Variants in PTPRR observed in about 807,000 individuals in gnomAD.
PTPRR encodes receptor-type tyrosine-protein phosphatase R.
A neutral mutation model predicts 77.2 loss-of-function variants in PTPRR; 38 were observed. The observed-to-expected ratio is 0.49, with a 90% CI of 0.38 to 0.65. The LOEUF is 0.65. Ranked by LOEUF, PTPRR falls within the 30% of genes least tolerant of loss-of-function variation. The pLI, the probability that PTPRR is intolerant of heterozygous loss-of-function variation, is 0.00. For missense variants in PTPRR, 744 were observed against 799.2 expected (o/e 0.93, Z 0.83); for synonymous variants, 299 against 283.1 (o/e 1.06, Z -0.57).
intron 6 of PTPRR, among the ~76,000 whole-genome samples, chr12:70,708,957 T>A (rs759863241): frequency 2.6e-4 from 40 of 152,074 alleles, no homozygotes; most frequent in African/African-American, 8.7e-4. Context: ...ATATATTCAT[T>A]TATTTGTAAG....
chr12:70,652,146 G>A (rs1018446212), intron 13 of PTPRR, among the ~76,000 whole-genome samples: 2 of 152,190 alleles, frequency 1.3e-5, no homozygotes, highest in Non-Finnish European at 2.9e-5. Flanking sequence ...TATGCTGCAA[G>A]TGCATAACGG....
At chr12:70,828,831 CTTTA>C (rs906248694) in intron 2 of PTPRR, among the ~76,000 whole-genome samples, 63 of 152,238 alleles carry the variant, frequency 4.1e-4, no homozygotes, top group African/African-American at 1.5e-3. Flanking sequence ...TGACTAAATC[CTTTA>C]TTTCTCACAT....
intron 2 of PTPRR, among the ~76,000 whole-genome samples, chr12:70,774,338 A>G (rs1490688092): frequency 6.6e-6 from 1 of 152,226 alleles, no homozygotes; most frequent in Non-Finnish European, 1.5e-5. Context: ...CTCAATTCCC[A>G]GAGGCATGAT....
At chr12:70,804,480 GC>G (rs2137023767) in intron 2 of PTPRR, among the ~76,000 whole-genome samples, 1 of 152,102 alleles carries the variant, frequency 6.6e-6, no homozygotes, top group African/African-American at 2.4e-5. Context: ...GATCACTTGA[GC>G]CTGGGAGGTT....
chr12:70,810,007 G>T (rs1274626140), intron 2 of PTPRR, among the ~76,000 whole-genome samples: 1 of 152,094 alleles, frequency 6.6e-6, no homozygotes, highest in Non-Finnish European at 1.5e-5. Context: ...TTAGCAATTT[G>T]TTTTCATAAG....
At chr12:70,764,111 C>T (rs1032270879) in intron 3 of PTPRR, among the ~76,000 whole-genome samples, 4 of 151,414 alleles carry the variant, frequency 2.6e-5, no homozygotes, top group African/African-American at 9.7e-5. Flanking sequence ...GGCTGCAGTC[C>T]TCAGGGTCAG....
At chr12:70,709,920 T>C in intron 6 of PTPRR, among the ~76,000 whole-genome samples, 1 of 152,238 alleles carries the variant, frequency 6.6e-6, no homozygotes, top group South Asian at 2.1e-4. Context: ...CTACCCAAAA[T>C]GATTTATAGA....
intron 6 of PTPRR, among the ~76,000 whole-genome samples, chr12:70,702,236 G>A (rs906358977): frequency 6.6e-6 from 1 of 152,064 alleles, no homozygotes; most frequent in Non-Finnish European, 1.5e-5. Flanking sequence ...TAGGAAGTGA[G>A]GATGCCTTTT....
intron 6 of PTPRR, among the ~76,000 whole-genome samples, chr12:70,704,388 T>G (rs1513105): frequency 0.47 from 71,343 of 151,694 alleles, 18,293 homozygotes; most frequent in Middle Eastern, 0.56. Context: ...ACTGTCGTAC[T>G]CCAGGTTGGG....
chr12:70,736,425 C>T lies in PTPRR; in HGVS notation c.1007+9393G>A, dbSNP rs186356054. 8.3e-4 allele frequency among the ~76,000 whole-genome samples: 126 copies of T among 152,178 alleles called. 1 individual carries two copies. Among genetic ancestry groups the T allele is most frequent in the Admixed American group, 4.1e-3 (63 of 15,292 alleles). ...ATTTCCCACAGATTATAGGTGTGTA[C>T]GCCTCCTCCCAACCCCCAAAGCATG... On this transcript the variant is annotated intron_variant, in intron 6 of 13. Transcript: ENST00000283228.
intron 13 of PTPRR, among the ~76,000 whole-genome samples, chr12:70,646,837 T>C (rs1465403071): frequency 6.6e-6 from 1 of 152,154 alleles, no homozygotes; most frequent in Non-Finnish European, 1.5e-5. Context: ...GCAGAAACTT[T>C]AGTTTTGAAA....
chr12:70,813,327 A>G (rs1891842941), intron 2 of PTPRR, among the ~76,000 whole-genome samples: 1 of 152,232 alleles, frequency 6.6e-6, no homozygotes, highest in Non-Finnish European at 1.5e-5. Context: ...TAACTTTTGC[A>G]TTGACCTATT....
intron 2 of PTPRR, among the ~76,000 whole-genome samples, chr12:70,874,434 C>T (rs921057321): frequency 6.6e-6 from 1 of 151,960 alleles, no homozygotes; most frequent in Non-Finnish European, 1.5e-5. Context: ...TGGAGTTGTA[C>T]AGAAAGGGCA....
chr12:70,666,753 A>G (rs990220419), intron 10 of PTPRR, among the ~76,000 whole-genome samples: 2 of 152,032 alleles, frequency 1.3e-5, no homozygotes, highest in East Asian at 1.9e-4. Context: ...TTGATAATAT[A>G]TAAACAATGT....
chr12:70,767,002 C>T (rs1361419423), intron 2 of PTPRR, among the ~76,000 whole-genome samples: 2 of 152,048 alleles, frequency 1.3e-5, no homozygotes, highest in Admixed American at 6.6e-5. Flanking sequence ...CCTAAAAGAA[C>T]TTCTGAAGGA....
intron 13 of PTPRR, among the ~76,000 whole-genome samples, chr12:70,654,925 G>A (rs1886521624): frequency 6.6e-6 from 1 of 152,156 alleles, no homozygotes; most frequent in South Asian, 2.1e-4. Flanking sequence ...GATTACAGGC[G>A]AGAGCCACCA....
intron 2 of PTPRR, among the ~76,000 whole-genome samples, chr12:70,855,986 A>C (rs538177256): frequency 6.6e-6 from 1 of 152,306 alleles, no homozygotes; most frequent in African/African-American, 2.4e-5. Flanking sequence ...ATTGTCACCC[A>C]AAACCCACAG....
intron 10 of PTPRR, among the ~76,000 whole-genome samples, chr12:70,681,127 C>T (rs1471650537): frequency 6.6e-6 from 1 of 152,074 alleles, no homozygotes; most frequent in Non-Finnish European, 1.5e-5. Flanking sequence ...AGCTTGTTCC[C>T]AGGGGGTAGG....
At chr12:70,771,509 T>A (rs1178642496) in intron 2 of PTPRR, among the ~76,000 whole-genome samples, 1 of 152,150 alleles carries the variant, frequency 6.6e-6, no homozygotes, top group African/African-American at 2.4e-5. Flanking sequence ...AGTGTTCCCA[T>A]GTCGCAAACC....
Sources: gnomAD v4.1 joint callset for allele counts (sites outside exome capture counted in the v4.1 genomes callset) on GRCh38, gnomAD v4.1.1 for gene constraint, MANE v1.5 for transcripts, NCBI Gene and HGNC (gene_info 2026-07-23, HGNC 2026-07-21) for gene names.